Variants in TENM3 observed in about 807,000 individuals in gnomAD.
The protein encoded by TENM3 is teneurin-3.
TENM3 carries 63 observed loss-of-function variants against 255.1 expected under a neutral mutation model. The observed-to-expected ratio is 0.25, with a 90% CI of 0.20 to 0.30. The LOEUF is 0.30. Ranked by LOEUF, TENM3 falls within the 10% of genes least tolerant of loss-of-function variation. The pLI is 1.00. For missense variants in TENM3, 2,929 were observed against 3,461.1 expected, an observed-to-expected ratio of 0.85 and a Z score of 3.86; for synonymous variants, 1,306 against 1,322.3, an observed-to-expected ratio of 0.99 and a Z score of 0.27.
chr4:181,467,440 G>A, the TENM3 span, among the ~76,000 whole-genome samples: 1 of 151,446 alleles, frequency 6.6e-6, no homozygotes, highest in African/African-American at 2.4e-5. Flanking sequence ...CGGCCTACTA[G>A]TATATGTTTA....
chr4:182,267,245 T>G (rs1247967650), intron 1 of TENM3, among the ~76,000 whole-genome samples: 1 of 152,164 alleles, frequency 6.6e-6, no homozygotes, highest in Non-Finnish European at 1.5e-5. Context: ...TGAACAAAAT[T>G]TAAGGCATAT....
intron 1 of TENM3, among the ~76,000 whole-genome samples, chr4:182,250,501 AGT>A (rs140244874): frequency 0.017 from 2,659 of 152,284 alleles, 82 homozygotes; most frequent in African/African-American, 0.061. Context: ...TAAAGGATAG[AGT>A]GAGATTTTGA....
chr4:182,161,758 C>CAT (rs1378455615), intron 1 of TENM3, among the ~76,000 whole-genome samples: 1 of 48,526 alleles, frequency 2.1e-5, no homozygotes, highest in Admixed American at 2.6e-4. Context: ...TATATATATA[C>CAT]ATATATATGT....
At chr4:182,290,243 A>G (rs942061746) in intron 1 of TENM3, among the ~76,000 whole-genome samples, 5 of 152,114 alleles carry the variant, frequency 3.3e-5, no homozygotes, top group Admixed American at 6.5e-5. Flanking sequence ...GAGTGAACGA[A>G]TGAACCGTGA....
chr4:182,316,092 T>C (rs1219499232), intron 1 of TENM3, among the ~76,000 whole-genome samples: 5 of 152,240 alleles, frequency 3.3e-5, no homozygotes, highest in African/African-American at 1.2e-4. Context: ...ATTTTCCTTC[T>C]TCTTTGCATA....
chr4:181,848,172 G>T, the TENM3 span, among the ~76,000 whole-genome samples: 2 of 152,074 alleles, frequency 1.3e-5, no homozygotes, highest in Non-Finnish European at 1.5e-5. Flanking sequence ...AAACTGAAGC[G>T]AATTAAGAAA....
At chr4:182,659,420 A>G (rs926090347) in intron 6 of TENM3, among the ~76,000 whole-genome samples, 2 of 152,188 alleles carry the variant, frequency 1.3e-5, no homozygotes, top group Non-Finnish European at 2.9e-5. Context: ...ATAAGCTATC[A>G]TAGGCATGGA....
the TENM3 span, among the ~76,000 whole-genome samples, chr4:182,019,286 A>T: frequency 6.6e-6 from 1 of 152,202 alleles, no homozygotes; most frequent in Non-Finnish European, 1.5e-5. Context: ...CCTCTGAGTC[A>T]TGCTGGCTGT....
chr4:182,025,320 G>T, the TENM3 span, among the ~76,000 whole-genome samples: 11 of 152,094 alleles, frequency 7.2e-5, no homozygotes, highest in Non-Finnish European at 1.6e-4. Flanking sequence ...GAGCCACCAC[G>T]CCTGGCTAGG....
chr4:182,413,836 AG>A (rs990566465), intron 3 of TENM3, among the ~76,000 whole-genome samples: 1 of 152,224 alleles, frequency 6.6e-6, no homozygotes, highest in African/African-American at 2.4e-5. Context: ...AAACAGTGCA[AG>A]GGGTGCAGAT....
At chr4:182,116,286 T>C in the TENM3 span, among the ~76,000 whole-genome samples, 26 of 152,302 alleles carry the variant, frequency 1.7e-4, no homozygotes, top group African/African-American at 4.8e-4. Flanking sequence ...TGGAATCATA[T>C]AGTATGTAGC....
rs56170155 is a variant in TENM3 at position 182,497,847 on chromosome 4, CATATAT to C, written c.512-103046_512-103041del. Among the ~76,000 whole-genome samples, 519 of 135,634 alleles carry C rather than the reference CATATAT, an allele frequency of 3.8e-3. 12 individuals carry two copies. Among genetic ancestry groups the C allele is most frequent in the Admixed American group, 0.024 (344 of 14,234 alleles). The allele number at this position is 135,634 out of a possible 152,430, so 89.0% of individuals were successfully genotyped here. A position where few individuals can be genotyped will look rare whatever the true frequency, so the allele number is the denominator to read the frequency against. On this transcript the variant is annotated intron_variant, in intron 3 of 27. Transcript: ENST00000511685. ...ATATACCCCATCTCTACTAAAAATA[CATATAT>C]ATATATATATATATATATATATATA...
the TENM3 span, among the ~76,000 whole-genome samples, chr4:182,120,084 C>T: frequency 9.4e-3 from 29 of 3,090 alleles, no homozygotes; most frequent in East Asian, 0.2. Context: ...TACACACATG[C>T]GTGCGTGCGC....
Position 182,799,733 on chromosome 4 carries a change from G to T in TENM3, c.7482G>T (p.Ser2494=), listed in dbSNP as rs971850141. 10 of 1,557,146 alleles carry T rather than the reference G, an allele frequency of 6.4e-6. 1 individual carries two copies. In the Middle Eastern group the frequency reaches 6.6e-4, roughly 104 times the overall value. Reference sequence around the variant, plus strand: ...GGCTGTGGTTCGCCACGGTCAAGTCGCTGATCGGCAAGGGCGTCATGCTGG... The same window carrying T: ...GGCTGTGGTTCGCCACGGTCAAGTCTCTGATCGGCAAGGGCGTCATGCTGG... ...QSWLWFATVK[S]LIGKGVMLAV... The change falls in exon 28 of 28, where the codon TCG becomes TCT. Residue 2494 remains serine (S), a synonymous_variant. Coordinates refer to ENST00000511685, the MANE Select transcript of TENM3 (RefSeq NM_001080477.4). The surrounding 1 kb of genome is among the most constrained non-coding windows in gnomAD (Gnocchi z 4.2).
the TENM3 span, among the ~76,000 whole-genome samples, chr4:181,560,560 C>T: frequency 1.3e-5 from 2 of 151,974 alleles, no homozygotes; most frequent in African/African-American, 4.8e-5. Flanking sequence ...TCTCCATATT[C>T]AAGTGTGTAT....
At chr4:181,652,142 TAA>T in the TENM3 span, among the ~76,000 whole-genome samples, 12,724 of 114,496 alleles carry the variant, frequency 0.11, 710 homozygotes, top group South Asian at 0.16. Flanking sequence ...CACTTTGGGG[TAA>T]AAAAAAAAAA....
At chr4:181,607,875 T>G in the TENM3 span, among the ~76,000 whole-genome samples, 2 of 152,354 alleles carry the variant, frequency 1.3e-5, no homozygotes, top group East Asian at 3.9e-4. Flanking sequence ...TACTTTCAAA[T>G]TAATTGCTTA....
chr4:181,789,284 C>G, the TENM3 span, among the ~76,000 whole-genome samples: 2 of 150,116 alleles, frequency 1.3e-5, no homozygotes, highest in African/African-American at 4.9e-5. Context: ...GAGATGGAGT[C>G]TTACTCTGTC....
At chr4:182,365,462 G>A (rs1212946973) in intron 3 of TENM3, among the ~76,000 whole-genome samples, 3 of 152,300 alleles carry the variant, frequency 2.0e-5, no homozygotes, top group Admixed American at 6.5e-5. Flanking sequence ...AAGAACAGGT[G>A]TACGTGAGCT....
Sources: allele counts gnomAD v4.1 joint callset (sites outside exome capture counted in the v4.1 genomes callset), GRCh38; gene constraint gnomAD v4.1.1; non-coding constraint Gnocchi (gnomAD v3.1); transcripts MANE v1.5; gene names NCBI Gene and HGNC (gene_info 2026-07-23, HGNC 2026-07-21).